Variants in CNTNAP2 observed in about 807,000 individuals in gnomAD.
CNTNAP2 encodes the protein contactin associated protein 2.
In CNTNAP2, 98 loss-of-function variants were observed where a neutral mutation model predicts 155.2. That is an observed-to-expected ratio of 0.63 (90% CI 0.54 to 0.75). CNTNAP2 has a LOEUF of 0.75. CNTNAP2 is among the 30% of genes least tolerant of loss of function. CNTNAP2 has a pLI of 0.00. For missense variants in CNTNAP2, 1,727 were observed against 1,688.1 expected, an observed-to-expected ratio of 1.02 and a Z score of -0.40; for synonymous variants, 651 against 631.2, an observed-to-expected ratio of 1.03 and a Z score of -0.47.
At chr7:148,278,130 T>C (rs543101805) in intron 21 of CNTNAP2, among the ~76,000 whole-genome samples, 5 of 152,310 alleles carry the variant, frequency 3.3e-5, no homozygotes, top group African/African-American at 1.2e-4. Context: ...GAAACTTGCT[T>C]TCCCTTCAGT....
intron 12 of CNTNAP2, among the ~76,000 whole-genome samples, chr7:147,616,613 A>G (rs1801298717): frequency 6.6e-6 from 1 of 152,118 alleles, no homozygotes; most frequent in African/African-American, 2.4e-5. Flanking sequence ...ATTTGCTCAA[A>G]TATTAGGATC....
At chr7:147,272,799 G>C (rs187409539) in intron 8 of CNTNAP2, among the ~76,000 whole-genome samples, 2 of 151,804 alleles carry the variant, frequency 1.3e-5, no homozygotes, top group Non-Finnish European at 2.9e-5. Context: ...GAGCCACTGC[G>C]CCTGGCCATG....
chr7:147,075,291 G>T (rs916890879), intron 4 of CNTNAP2, among the ~76,000 whole-genome samples: 4 of 152,104 alleles, frequency 2.6e-5, no homozygotes, highest in Non-Finnish European at 5.9e-5. Context: ...CTATTCTTAT[G>T]TGTCGATTTA....
chr7:147,348,308 CA>C (rs1168432110), intron 9 of CNTNAP2, among the ~76,000 whole-genome samples: 1 of 150,254 alleles, frequency 6.7e-6, no homozygotes, highest in Non-Finnish European at 1.5e-5. Flanking sequence ...ATCTCAACAA[CA>C]AAAATATATT....
chr7:148,364,467 T>C (rs1012436967), intron 21 of CNTNAP2, among the ~76,000 whole-genome samples: 8 of 151,432 alleles, frequency 5.3e-5, no homozygotes, highest in African/African-American at 1.9e-4. Context: ...CTTTTATGTA[T>C]AGCTCAAGGA....
At chr7:148,083,408 G>C (rs1016144240) in intron 15 of CNTNAP2, among the ~76,000 whole-genome samples, 3 of 152,160 alleles carry the variant, frequency 2.0e-5, no homozygotes, top group Non-Finnish European at 4.4e-5. Flanking sequence ...TTGTAAGGGA[G>C]AAAACGAGGC....
At chr7:147,771,038 T>A (rs1797460740) in intron 13 of CNTNAP2, among the ~76,000 whole-genome samples, 1 of 152,156 alleles carries the variant, frequency 6.6e-6, no homozygotes. Flanking sequence ...GACTCAAAAA[T>A]TGATATATGC....
At chr7:146,994,202 G>T (rs1798264455) in intron 3 of CNTNAP2, among the ~76,000 whole-genome samples, 1 of 151,818 alleles carries the variant, frequency 6.6e-6, no homozygotes, top group Non-Finnish European at 1.5e-5. Flanking sequence ...GCTGGGTTTT[G>T]ATTTTTTTTT....
At chr7:146,698,249 T>C (rs1314633082) in intron 1 of CNTNAP2, among the ~76,000 whole-genome samples, 1 of 152,166 alleles carries the variant, frequency 6.6e-6, no homozygotes, top group African/African-American at 2.4e-5. Context: ...TATTTTTTCT[T>C]AAATACTCTT....
At chr7:147,109,746 GA>G (rs1800836654) in intron 5 of CNTNAP2, among the ~76,000 whole-genome samples, 1 of 152,076 alleles carries the variant, frequency 6.6e-6, no homozygotes, top group Non-Finnish European at 1.5e-5. Context: ...AAAAGAGAAT[GA>G]AAGGCGTTAA....
At chr7:146,563,335 AAAG>A (rs1256466613) in intron 1 of CNTNAP2, among the ~76,000 whole-genome samples, 1 of 152,076 alleles carries the variant, frequency 6.6e-6, no homozygotes, top group Non-Finnish European at 1.5e-5. Context: ...CCACATATTC[AAAG>A]AAGACTTCCA....
chr7:146,741,350 C>G (rs1801713042), intron 1 of CNTNAP2, among the ~76,000 whole-genome samples: 1 of 152,142 alleles, frequency 6.6e-6, no homozygotes, highest in African/African-American at 2.4e-5. Flanking sequence ...TCCCACAAGG[C>G]ATTTTTGACT....
At chr7:147,336,666 T>C (rs1232236458) in intron 9 of CNTNAP2, among the ~76,000 whole-genome samples, 1 of 152,112 alleles carries the variant, frequency 6.6e-6, no homozygotes, top group Non-Finnish European at 1.5e-5. Context: ...AACTAGTTAG[T>C]GGCAGAGATA....
chr7:147,402,573 A>AG (rs1231953457), intron 10 of CNTNAP2, among the ~76,000 whole-genome samples: 1 of 152,176 alleles, frequency 6.6e-6, no homozygotes, highest in African/African-American at 2.4e-5. Context: ...TATACACACT[A>AG]GGTCTTCTTT....
intron 22 of CNTNAP2, among the ~76,000 whole-genome samples, chr7:148,393,962 A>T (rs1799410717): frequency 6.6e-6 from 1 of 151,680 alleles, no homozygotes; most frequent in South Asian, 2.1e-4. Context: ...ATATTAAGTA[A>T]ATTAGTATTT....
chr7:146,279,761 T>C lies in CNTNAP2; in HGVS notation c.97+162788T>C, dbSNP rs114747413. Among the ~76,000 whole-genome samples, 829 of 152,016 alleles carry C rather than the reference T, an allele frequency of 5.5e-3. 8 individuals are homozygous for C. The highest frequency in any genetic ancestry group is 0.019 in the African/African-American group (778 of 41,528). ...ATTTAAACATGGACACAATTTTTCA[T>C]TCAGCAAAATTATTTTGCAACCTTT... is the stretch of plus-strand genomic sequence containing the variant. On this transcript the variant is annotated intron_variant, in intron 1 of 23. Transcript: ENST00000361727.
intron 17 of CNTNAP2, among the ~76,000 whole-genome samples, chr7:148,149,151 C>T (rs890251201): frequency 6.6e-6 from 1 of 152,114 alleles, no homozygotes; most frequent in Non-Finnish European, 1.5e-5. Context: ...CTCAACTTCT[C>T]GTTTTTTTGA....
intron 10 of CNTNAP2, among the ~76,000 whole-genome samples, chr7:147,419,072 A>C (rs2116504063): frequency 6.6e-6 from 1 of 152,312 alleles, no homozygotes; most frequent in East Asian, 1.9e-4. Flanking sequence ...TTCCAATGCC[A>C]AAAAAATTTC....
At chr7:146,722,737 C>T (rs182745967) in intron 1 of CNTNAP2, among the ~76,000 whole-genome samples, 73 of 151,996 alleles carry the variant, frequency 4.8e-4, no homozygotes, top group Non-Finnish European at 9.6e-4. Context: ...TACACGTTGG[C>T]GAGGTGCAGT....
Sources: allele counts gnomAD v4.1 joint callset (sites outside exome capture counted in the v4.1 genomes callset), GRCh38; gene constraint gnomAD v4.1.1; transcripts MANE v1.5; gene names NCBI Gene and HGNC (gene_info 2026-07-23, HGNC 2026-07-21).